The following C9orf85 variants were observed in gnomAD, a reference collection of about 807,000 sequenced individuals.
C9orf85 encodes chromosome 9 open reading frame 85.
In C9orf85, 16 loss-of-function variants were observed where a neutral mutation model predicts 14.9. That is an observed-to-expected ratio of 1.08 (90% confidence interval 0.73 to 1.63). The LOEUF (loss-of-function observed/expected upper bound fraction) is 1.63, where lower values mean the gene tolerates loss of function less well. Ranked by LOEUF, C9orf85 falls within the 40% of genes most tolerant of loss-of-function variation. The pLI, the probability that C9orf85 is intolerant of heterozygous loss-of-function variation, is 0.00. For synonymous variants in C9orf85, 45 were observed against 56.8 expected (o/e 0.79, Z 0.93); for missense variants, 172 against 186.1 (o/e 0.92, Z 0.44).
intron 2 of C9orf85, among the ~76,000 whole-genome samples, chr9:71,961,388 C>G (rs955228605): frequency 1.3e-5 from 2 of 151,982 alleles, no homozygotes; most frequent in Non-Finnish European, 2.9e-5. Context: ...AAGTGAAACC[C>G]TGTCTCTACT....
chr9:71,936,605 TTAC>T (rs1002426419), intron 1 of C9orf85, among the ~76,000 whole-genome samples: 4 of 152,284 alleles, frequency 2.6e-5, no homozygotes, highest in Admixed American at 1.3e-4. Flanking sequence ...GAGTTATTAT[TTAC>T]TACGAGTGAC....
At chr9:71,963,321 C>T (rs1310556170) in intron 2 of C9orf85, among the ~76,000 whole-genome samples, 3 of 152,184 alleles carry the variant, frequency 2.0e-5, no homozygotes, top group African/African-American at 7.2e-5. Flanking sequence ...TGGCAGGCCA[C>T]TTCCAAGATG....
At chr9:71,963,892 C>G (rs1022981742) in intron 2 of C9orf85, among the ~76,000 whole-genome samples, 3 of 152,196 alleles carry the variant, frequency 2.0e-5, no homozygotes, top group African/African-American at 7.2e-5. Flanking sequence ...GGAGCCCAGT[C>G]CCATCAACCA....
At chr9:71,931,174 A>T (rs1225361689) in intron 1 of C9orf85, among the ~76,000 whole-genome samples, 1 of 152,202 alleles carries the variant, frequency 6.6e-6, no homozygotes, top group African/African-American at 2.4e-5. Context: ...ACAGAGTGAG[A>T]ATCTGGGAAA....
At chr9:71,959,635 G>T (rs578056506) in intron 2 of C9orf85, among the ~76,000 whole-genome samples, 28 of 152,200 alleles carry the variant, frequency 1.8e-4, no homozygotes, top group Admixed American at 2.0e-4. Flanking sequence ...TTAATGTCAG[G>T]TCCCTAACTT....
chr9:71,984,425 T>A (rs1464728556), downstream of C9orf85: 2 of 152,208 alleles, frequency 1.3e-5, no homozygotes, highest in Non-Finnish European at 2.9e-5. Context: ...GAGCTGAAAA[T>A]GTCCACACTT....
intron 3 of C9orf85, among the ~76,000 whole-genome samples, chr9:71,978,958 C>T (rs971048497): frequency 6.6e-6 from 1 of 152,148 alleles, no homozygotes; most frequent in African/African-American, 2.4e-5. Flanking sequence ...TTGCTTGAAC[C>T]CAGGAGGTGG....
chr9:71,941,169 GAAAA>G (rs1821920280), intron 1 of C9orf85, among the ~76,000 whole-genome samples: 1 of 152,090 alleles, frequency 6.6e-6, no homozygotes, highest in Admixed American at 6.6e-5. Flanking sequence ...AATATAGAAA[GAAAA>G]GAATTCAAGT....
intron 1 of C9orf85, among the ~76,000 whole-genome samples, chr9:71,930,438 C>T (rs1227863148): frequency 6.6e-6 from 1 of 152,026 alleles, no homozygotes; most frequent in African/African-American, 2.4e-5. Flanking sequence ...TTATTACTCT[C>T]CCGTTAATTA....
In C9orf85 at chr9:71,932,957, G is replaced by C. The variant is rs572491694; in HGVS notation, c.103-14049G>C. ...GAAACCAAAAAGAAATTCTGGAGCT[G>C]AAAGTAGAGTAACTGAAGTGAAAAA... On this transcript the variant is annotated intron_variant, in intron 1 of 3. Transcript: ENST00000334731. Among the ~76,000 whole-genome samples, 210 of 152,254 alleles carry C rather than the reference G, an allele frequency of 1.4e-3. 1 individual carries two copies. Among genetic ancestry groups the C allele is most frequent in the Middle Eastern group, 0.01 (3 of 294 alleles).
At chr9:71,965,396 TAGTC>T (rs1289148221) in intron 2 of C9orf85, among the ~76,000 whole-genome samples, 28 of 124,752 alleles carry the variant, frequency 2.2e-4, no homozygotes, top group Admixed American at 4.4e-4. Flanking sequence ...TAGGGATTCT[TAGTC>T]AGCCTAGGAA....
At chr9:71,947,184 T>G in intron 2 of C9orf85, 72 bp downstream of exon 2, 1 of 1,022,606 alleles carries the variant, frequency 9.8e-7, no homozygotes, top group Non-Finnish European at 1.4e-6. Flanking sequence ...TTCCTGATTT[T>G]CAAAATTGTG....
chr9:71,972,659 GAAAT>G, intron 3 of C9orf85, 29 bp from the exon 4 acceptor site: 1 of 1,477,832 alleles, frequency 6.8e-7, no homozygotes, highest in Non-Finnish European at 9.2e-7. Context: ...GATAGCCTGG[GAAAT>G]AAATAGAAAT....
At chr9:71,916,673 A>G (rs907405896) in intron 1 of C9orf85, among the ~76,000 whole-genome samples, 7 of 152,200 alleles carry the variant, frequency 4.6e-5, no homozygotes, top group African/African-American at 1.7e-4. Context: ...CAAGTTGAGT[A>G]TTATTTATCT....
At chr9:71,943,137 T>A (rs1397203189) in intron 1 of C9orf85, among the ~76,000 whole-genome samples, 1 of 152,196 alleles carries the variant, frequency 6.6e-6, no homozygotes, top group East Asian at 1.9e-4. Context: ...ATAAAATACC[T>A]TATTTTAGGA....
intron 1 of C9orf85, among the ~76,000 whole-genome samples, chr9:71,925,322 A>G (rs1371691965): frequency 6.6e-6 from 1 of 152,220 alleles, no homozygotes; most frequent in Non-Finnish European, 1.5e-5. Flanking sequence ...GAAGTTCAAG[A>G]CCAGCCTGAT....
intron 2 of C9orf85, among the ~76,000 whole-genome samples, chr9:71,968,444 G>GT (rs981827395): frequency 7.9e-5 from 12 of 151,264 alleles, no homozygotes; most frequent in African/African-American, 2.7e-4. Context: ...AATTAGGAGA[G>GT]TTTTTTTAGA....
intron 1 of C9orf85, among the ~76,000 whole-genome samples, chr9:71,934,399 C>T (rs545922896): frequency 6.2e-4 from 94 of 152,320 alleles, no homozygotes; most frequent in African/African-American, 2.1e-3. Flanking sequence ...GCCCAGTTCT[C>T]TTTGTTTGGC....
chr9:71,960,874 G>A (rs111899388), intron 2 of C9orf85, among the ~76,000 whole-genome samples: 12 of 150,238 alleles, frequency 8.0e-5, no homozygotes, highest in African/African-American at 2.7e-4. Flanking sequence ...GTTTACCAGT[G>A]TGTGGCAATG....
Sources: gnomAD v4.1 joint callset for allele counts (sites outside exome capture counted in the v4.1 genomes callset) on GRCh38, gnomAD v4.1.1 for gene constraint, MANE v1.5 for transcripts, NCBI Gene and HGNC (gene_info 2026-07-23, HGNC 2026-07-21) for gene names.